Variants in RABGAP1L observed in about 807,000 individuals in gnomAD.
RABGAP1L encodes the protein rab GTPase-activating protein 1-like.
In RABGAP1L, 63 loss-of-function variants were observed where a neutral mutation model predicts 137.7. The observed-to-expected ratio is 0.46, with a 90% confidence interval of 0.37 to 0.56. RABGAP1L has a LOEUF of 0.56. RABGAP1L is among the 20% of genes least tolerant of loss of function. RABGAP1L has a pLI of 0.00. For missense variants in RABGAP1L, 1,095 were observed against 1,244.0 expected, an observed-to-expected ratio of 0.88 and a Z score of 1.80; for synonymous variants, 431 against 433.7, an observed-to-expected ratio of 0.99 and a Z score of 0.08.
At position 174,314,733 on chromosome 1, in the gene RABGAP1L, A is replaced by G. The variant is rs114706735; in HGVS notation, c.1465+9606A>G. ...ACGAAATTTTTCAATTTCCTTCTCAATTTCTTCATTGACCCACTGGTCGTT... is the reference window on the plus strand; with the variant it reads ...ACGAAATTTTTCAATTTCCTTCTCAGTTTCTTCATTGACCCACTGGTCGTT... On this transcript the variant is annotated intron_variant, in intron 11 of 25. Transcript: ENST00000681986. 3.9e-3 allele frequency among the ~76,000 whole-genome samples: 589 copies of G among 151,996 alleles called. 4 individuals carry two copies. Among genetic ancestry groups the G allele is most frequent in the African/African-American group, 0.012 (508 of 41,480 alleles).
chr1:174,815,344 A>G (rs1468458134), intron 19 of RABGAP1L, among the ~76,000 whole-genome samples: 1 of 152,236 alleles, frequency 6.6e-6, no homozygotes, highest in East Asian at 1.9e-4. Flanking sequence ...TTCATGGACA[A>G]AGGTGACTGC....
intron 12 of RABGAP1L, among the ~76,000 whole-genome samples, chr1:174,387,577 A>G (rs1686899064): frequency 6.6e-6 from 1 of 151,098 alleles, no homozygotes. Context: ...ATATTGGAGT[A>G]GGAAGAACAT....
At chr1:174,562,657 C>T (rs573723728) in intron 13 of RABGAP1L, among the ~76,000 whole-genome samples, 10 of 152,078 alleles carry the variant, frequency 6.6e-5, no homozygotes, top group African/African-American at 1.4e-4. Context: ...GTATACACCA[C>T]GGAATACTAT....
chr1:174,774,075 T>C (rs1686331157), intron 18 of RABGAP1L, among the ~76,000 whole-genome samples: 2 of 152,208 alleles, frequency 1.3e-5, no homozygotes, highest in Non-Finnish European at 2.9e-5. Context: ...GTAGAGGAAA[T>C]GTAACTGAAG....
At chr1:174,163,176 T>A (rs901323212) in intron 1 of RABGAP1L, among the ~76,000 whole-genome samples, 29 of 152,146 alleles carry the variant, frequency 1.9e-4, no homozygotes, top group African/African-American at 6.3e-4. Flanking sequence ...ATGCTGATAT[T>A]ATAGAGAAAG....
At chr1:174,318,691 T>A (rs1458597708) in intron 11 of RABGAP1L, among the ~76,000 whole-genome samples, 1 of 151,526 alleles carries the variant, frequency 6.6e-6, no homozygotes, top group Non-Finnish European at 1.5e-5. Context: ...AATCTTCCTT[T>A]GTGATTAATA....
intron 13 of RABGAP1L, among the ~76,000 whole-genome samples, chr1:174,489,439 C>G (rs916136957): frequency 1.2e-4 from 19 of 152,124 alleles, no homozygotes; most frequent in East Asian, 3.9e-4. Context: ...TGCTCATCAT[C>G]ACTGGCCATC....
chr1:174,387,571 T>C (rs1686898497), intron 12 of RABGAP1L, among the ~76,000 whole-genome samples: 1 of 151,648 alleles, frequency 6.6e-6, no homozygotes, highest in South Asian at 2.1e-4. Flanking sequence ...AAGGTAATAT[T>C]GGAGTAGGAA....
intron 13 of RABGAP1L, among the ~76,000 whole-genome samples, chr1:174,583,492 A>C (rs551126915): frequency 3.3e-5 from 5 of 152,326 alleles, no homozygotes; most frequent in Non-Finnish European, 7.3e-5. Context: ...TAATTATTCT[A>C]TGAGATGCTA....
chr1:174,877,318 TG>T lies in RABGAP1L; in HGVS notation c.2340+65359del, dbSNP rs777370296. ...GGGGGTGAATTGCTAGCCAAGCCTG[TG>T]ATAGCAGCCGCTTTTTTTTTCTTTC... is the stretch of plus-strand genomic sequence containing the variant. On this transcript the variant is annotated intron_variant, in intron 19 of 25. Transcript: ENST00000681986. The T allele has an allele frequency of 7.7e-4, 998 of 1,288,972 alleles. 4 individuals carry two copies. The highest frequency in any genetic ancestry group is 1.8e-3 in the Admixed American group (85 of 48,020). 79.8% of individuals were successfully genotyped at this position (1,288,972 alleles called of 1,614,324 possible).
Position 174,921,865 on chromosome 1 carries a change from G to A in RABGAP1L, c.2341-35592G>A, listed in dbSNP as rs571465432. 6.6e-5 allele frequency among the ~76,000 whole-genome samples: 10 copies of A among 152,286 alleles called. No homozygotes were observed. The South Asian group carries it at 2.1e-3, about 32-fold the overall frequency. ...TTGAATCCTCTTTAGTTAGTAAAAT[G>A]TAATGAATGCATTTGTAGGTGAGCA... On this transcript the variant is annotated intron_variant, in intron 19 of 25. Coordinates refer to ENST00000681986, the MANE Select transcript of RABGAP1L (RefSeq NM_001366446.1).
chr1:174,269,132 A>AC (rs1674334569), intron 7 of RABGAP1L, among the ~76,000 whole-genome samples: 1 of 151,972 alleles, frequency 6.6e-6, no homozygotes, highest in Admixed American at 6.6e-5. Context: ...TTTAGTAGAG[A>AC]CGGGGTTTCA....
intron 18 of RABGAP1L, among the ~76,000 whole-genome samples, chr1:174,807,211 GT>G (rs1689391783): frequency 6.6e-6 from 1 of 152,104 alleles, no homozygotes. Context: ...TATTAATTAT[GT>G]TTATCTCTGT....
intron 11 of RABGAP1L, among the ~76,000 whole-genome samples, chr1:174,348,775 G>A (rs1323427661): frequency 6.0e-5 from 9 of 150,572 alleles, no homozygotes; most frequent in African/African-American, 2.2e-4. Context: ...AGGGTTGGGG[G>A]TAAGGTCACA....
At chr1:174,828,250 GTC>G (rs1428508057) in intron 19 of RABGAP1L, among the ~76,000 whole-genome samples, 3 of 147,860 alleles carry the variant, frequency 2.0e-5, no homozygotes, top group Non-Finnish European at 3.0e-5. Flanking sequence ...CTCATAACTG[GTC>G]TCTCCGGCTT....
At chr1:174,967,929 CAA>C (rs200800559) in intron 20 of RABGAP1L, among the ~76,000 whole-genome samples, 66 of 134,656 alleles carry the variant, frequency 4.9e-4, no homozygotes, top group Non-Finnish European at 5.9e-4. Context: ...TATTTTTTTC[CAA>C]AAAAAAAAAA....
In RABGAP1L at chr1:174,241,979, G is replaced by T. The variant is rs73036620; in HGVS notation, c.717+322G>T. Among the ~76,000 whole-genome samples, 354 of 152,318 alleles carry T rather than the reference G, an allele frequency of 2.3e-3. 1 individual carries two copies. Among genetic ancestry groups the T allele is most frequent in the African/African-American group, 7.9e-3 (327 of 41,564 alleles). On this transcript the variant is annotated intron_variant, in intron 5 of 25. Coordinates refer to ENST00000681986, the MANE Select transcript of RABGAP1L (RefSeq NM_001366446.1). Reference sequence around the variant, plus strand: ...GCTCTCTTATTATTTTGCCCTAGTAGATTGGTCCATGTGATTTTAAAAAGT... The same window carrying T: ...GCTCTCTTATTATTTTGCCCTAGTATATTGGTCCATGTGATTTTAAAAAGT...
At chr1:174,521,384 A>C (rs1663374482) in intron 13 of RABGAP1L, among the ~76,000 whole-genome samples, 1 of 152,220 alleles carries the variant, frequency 6.6e-6, no homozygotes, top group South Asian at 2.1e-4. Context: ...TTGATAGAAG[A>C]AGCTTATAGA....
At chr1:174,461,721 C>T (rs979163096) in intron 13 of RABGAP1L, among the ~76,000 whole-genome samples, 1 of 152,136 alleles carries the variant, frequency 6.6e-6, no homozygotes, top group Non-Finnish European at 1.5e-5. Flanking sequence ...CAGTGCCTTG[C>T]TGTTACCAAC....
Sources: gnomAD v4.1 joint callset for allele counts (sites outside exome capture counted in the v4.1 genomes callset) on GRCh38, gnomAD v4.1.1 for gene constraint, MANE v1.5 for transcripts, NCBI Gene and HGNC (gene_info 2026-07-23, HGNC 2026-07-21) for gene names.